Variants in FAM193B observed in about 807,000 individuals in gnomAD.
FAM193B encodes protein FAM193B.
FAM193B carries 27 observed loss-of-function variants against 70.7 expected under a neutral mutation model. The observed-to-expected ratio is 0.38, with a 90% CI of 0.28 to 0.53. FAM193B has a LOEUF of 0.53. Among genes scored for constraint, FAM193B ranks in the 20% least tolerant of loss-of-function variants. The pLI is 0.81. For missense variants in FAM193B, 1,022 were observed against 1,072.5 expected (o/e 0.95, Z 0.66); for synonymous variants, 448 against 436.0 (o/e 1.03, Z -0.34).
intron 5 of FAM193B, chr5:177,531,430 T>A: frequency 7.3e-7 from 1 of 1,362,684 alleles, no homozygotes; most frequent in Non-Finnish European, 9.8e-7. Context: ...GGTGCCCCCC[T>A]TCATGGGCAG....
chr5:177,550,827 G>GTAT (rs767904587), intron 1 of FAM193B, among the ~76,000 whole-genome samples: 28 of 152,124 alleles, frequency 1.8e-4, no homozygotes, highest in Non-Finnish European at 1.9e-4. Context: ...CTCTTGTGAA[G>GTAT]TATTATTATT....
At position 177,531,644 on chromosome 5, in the gene FAM193B, C is replaced by G. The variant is rs1561762983; in HGVS notation, c.1275+799G>C. The G allele has an allele frequency of 3.4e-6, 3 of 894,806 alleles. No individual in the cohort carries two copies. In the Admixed American group the frequency reaches 1.1e-4, roughly 33 times the overall value. The allele number at this position is 894,806 out of a possible 1,614,324, so 55.4% of individuals were successfully genotyped here. On this transcript the variant is annotated intron_variant, in intron 5 of 8. Coordinates refer to ENST00000514747, the MANE Select transcript of FAM193B (RefSeq NM_001190946.3). Reference sequence around the variant, plus strand: ...AACTGTTCTCTCTACCATTAGCCACCAAGGCCACATGGCTTCACCCTCTCA... The same window carrying G: ...AACTGTTCTCTCTACCATTAGCCACGAAGGCCACATGGCTTCACCCTCTCA...
chr5:177,553,769 G>C (rs778066178), intron 1 of FAM193B: 2 of 1,287,554 alleles, frequency 1.6e-6, no homozygotes, highest in African/African-American at 3.0e-5. Flanking sequence ...GGCGCCAGGA[G>C]ACACAGCTGC....
At chr5:177,541,267 C>T (rs952330931) in intron 1 of FAM193B, among the ~76,000 whole-genome samples, 1 of 152,206 alleles carries the variant, frequency 6.6e-6, no homozygotes, top group African/African-American at 2.4e-5. Flanking sequence ...GCCACAGTAA[C>T]TCTAGATAGA....
chr5:177,551,045 T>C (rs971886555), intron 1 of FAM193B, among the ~76,000 whole-genome samples: 3 of 151,592 alleles, frequency 2.0e-5, no homozygotes, highest in Non-Finnish European at 4.4e-5. Context: ...ATGTCACCAA[T>C]GCTGGTCTCA....
chr5:177,521,060 G>A (rs1470913640), intron 8 of FAM193B, among the ~76,000 whole-genome samples: 1 of 152,188 alleles, frequency 6.6e-6, no homozygotes. Flanking sequence ...AAAGACAGGT[G>A]GGGCCATCAT....
At chr5:177,553,883 C>T in intron 1 of FAM193B, 1 of 1,241,212 alleles carries the variant, frequency 8.1e-7, no homozygotes, top group Non-Finnish European at 1.0e-6. Context: ...CCGAGATGGC[C>T]TGTGGCTGAG....
chr5:177,523,103 G>A (rs1425297092), intron 7 of FAM193B: 3 of 213,088 alleles, frequency 1.4e-5, no homozygotes, highest in South Asian at 9.4e-5. Flanking sequence ...AGGTTCCAGC[G>A]ATTCTCCTGC....
At chr5:177,553,486 T>TG (rs1175689976) in intron 1 of FAM193B, 3 of 1,108,634 alleles carry the variant, frequency 2.7e-6, no homozygotes, top group Non-Finnish European at 2.2e-6. Context: ...CAGTGAACTT[T>TG]GGCAGGGTAC....
Position 177,524,217 on chromosome 5 carries a change from C to A in FAM193B, c.2264G>T (p.Arg755Leu). ...GGAGGCTGGCTTCTCCTGCTTGTTG[C>A]GGCTCCGGCGGCTGCGGCCCTTGCC... ...PQGKGRSRRS[R>L]NKQEKPASSL... Residue 755 changes from arginine (R) to leucine (L), a missense_variant, in exon 6 of 9, where the codon CGC becomes CTC. Arg to Leu is a moderately radical substitution (Grantham distance 102, BLOSUM62 -2). Coordinates refer to ENST00000514747, the MANE Select transcript of FAM193B (RefSeq NM_001190946.3). The A allele has an allele frequency of 5.2e-6, 8 of 1,543,876 alleles. No individual in the cohort carries two copies. Among genetic ancestry groups the A allele is most frequent in the Non-Finnish European group, 6.1e-6 (7 of 1,145,488 alleles).
intron 1 of FAM193B, among the ~76,000 whole-genome samples, chr5:177,541,610 G>A (rs1358581053): frequency 2.6e-5 from 4 of 152,070 alleles, no homozygotes; most frequent in African/African-American, 2.4e-5. Context: ...TAGTGGAGAC[G>A]GGGTTTCACG....
chr5:177,549,750 A>C (rs1765956450), intron 1 of FAM193B, among the ~76,000 whole-genome samples: 1 of 152,336 alleles, frequency 6.6e-6, no homozygotes, highest in Middle Eastern at 3.4e-3. Context: ...TCTGCACAAT[A>C]AATGCCATGT....
intron 3 of FAM193B, 95 bp downstream of exon 3, chr5:177,537,778 T>G (rs1764345766): frequency 1.4e-6 from 2 of 1,441,366 alleles, no homozygotes; most frequent in Non-Finnish European, 1.8e-6. Context: ...CTTATTTTAG[T>G]AACCAGTCTT....
chr5:177,527,833 A>T (rs1762847702), intron 5 of FAM193B, among the ~76,000 whole-genome samples: 1 of 152,208 alleles, frequency 6.6e-6, no homozygotes, highest in African/African-American at 2.4e-5. Flanking sequence ...GCCATTGACT[A>T]GACAGACAAC....
At chr5:177,550,739 G>A (rs1766107104) in intron 1 of FAM193B, among the ~76,000 whole-genome samples, 1 of 152,218 alleles carries the variant, frequency 6.6e-6, no homozygotes, top group Non-Finnish European at 1.5e-5. Context: ...CTCAGGCTTT[G>A]TATGGCCACC....
chr5:177,531,770 C>T (rs1283157361), intron 5 of FAM193B: 9 of 764,940 alleles, frequency 1.2e-5, no homozygotes, highest in East Asian at 6.7e-5. Context: ...AGTTGGAGCC[C>T]GGGCTTCGTC....
At position 177,532,503 on chromosome 5, in the gene FAM193B, G is replaced by A. The variant is rs1247708714; in HGVS notation, c.1215C>T (p.Thr405=). The A allele has an allele frequency of 1.2e-6, 2 of 1,611,606 alleles. No homozygotes were observed. Among genetic ancestry groups the A allele is most frequent in the South Asian group, 2.2e-5 (2 of 90,274 alleles). Residue 405 remains threonine (T), a synonymous_variant, in exon 5 of 9, where the codon ACC becomes ACT. Coordinates refer to ENST00000514747, the MANE Select transcript of FAM193B (RefSeq NM_001190946.3). This position sits in a 1 kb window ranked among gnomAD's most constrained non-coding sequence, Gnocchi z 4.9. ...SERSSCTSSS[T]HQRDGKFCDC... ...CACAGAACTTCCCATCTCTCTGGTG[G>A]GTGGAGGATGAGGTGCAGGAGCTTC...
intron 4 of FAM193B, among the ~76,000 whole-genome samples, chr5:177,533,679 G>C (rs1411912099): frequency 6.6e-6 from 1 of 152,228 alleles, no homozygotes; most frequent in East Asian, 1.9e-4. Context: ...CAGTGGTAGA[G>C]AGTGAAGCTG....
chr5:177,540,150 CA>C (rs1003552654), intron 1 of FAM193B, among the ~76,000 whole-genome samples: 3 of 151,632 alleles, frequency 2.0e-5, no homozygotes, highest in African/African-American at 7.3e-5. Context: ...ACTAAAAACA[CA>C]AAAAAATTAG....
Sources: gnomAD v4.1 joint callset for allele counts (sites outside exome capture counted in the v4.1 genomes callset) on GRCh38, gnomAD v4.1.1 for gene constraint, Gnocchi (gnomAD v3.1) non-coding constraint, MANE v1.5 for transcripts, NCBI Gene and HGNC (gene_info 2026-07-23, HGNC 2026-07-21) for gene names.